Variants in PCDHGC3 observed in about 807,000 individuals in gnomAD.
The protein encoded by PCDHGC3 is protocadherin gamma-C3.
Under a neutral mutation model 59.2 loss-of-function variants are expected in PCDHGC3, and 26 were observed. The observed-to-expected ratio is 0.44, with a 90% CI of 0.32 to 0.61. The LOEUF (loss-of-function observed/expected upper bound fraction) is 0.61. PCDHGC3 is among the 20% of genes least tolerant of loss of function. The pLI is 0.05. For synonymous variants in PCDHGC3, 487 were observed against 519.7 expected (o/e 0.94, Z 0.86); for missense variants, 1,080 against 1,221.8 (o/e 0.88, Z 1.73).
rs766182165 is a variant in PCDHGC3 at position 141,478,048 on chromosome 5, C to T, written c.1932C>T (p.Leu644=). ...ACACAGATTCACCCAGGCAGACTCT[C>T]ACGGTCTTGATCAAAGACAATGGGG... The part of the protein sequence containing the change: ...VQDTDSPRQT[L]TVLIKDNGEP... The change falls in exon 1 of 4, where the codon CTC becomes CTT. Residue 644 remains leucine, a synonymous_variant. Transcript: ENST00000308177. 5.6e-6 allele frequency: 9 copies of T among 1,614,040 alleles called. No homozygotes were observed. In the Admixed American group the frequency reaches 1.0e-4, roughly 18 times the overall value.
At position 141,490,208 on chromosome 5, in the gene PCDHGC3, G is replaced by A. The variant is rs745796427; in HGVS notation, c.2431-4599G>A. On this transcript the variant is annotated intron_variant, in intron 1 of 3. Coordinates refer to ENST00000308177, the MANE Select transcript of PCDHGC3 (RefSeq NM_002588.4). The surrounding 1 kb of genome is among the most constrained non-coding windows in gnomAD (Gnocchi z 5.4). ...TTCTATGAAATTCATGCAAGAGCCC[G>A]TGACCAGGGACAGCCTGCCATGGAG... 44 of 1,614,120 alleles carry A rather than the reference G, an allele frequency of 2.7e-5. No individual in the cohort carries two copies. The Admixed American group carries it at 4.5e-4, about 17-fold the overall frequency.
chr5:141,506,801 C>A (rs1322016728), intron 3 of PCDHGC3, among the ~76,000 whole-genome samples: 2 of 152,166 alleles, frequency 1.3e-5, no homozygotes, highest in Non-Finnish European at 2.9e-5. Flanking sequence ...GGCAGAGGAT[C>A]AAGGCATTGC....
intron 1 of PCDHGC3, among the ~76,000 whole-genome samples, chr5:141,488,398 A>T (rs2099675065): frequency 6.6e-6 from 1 of 152,192 alleles, no homozygotes; most frequent in African/African-American, 2.4e-5. Flanking sequence ...GAAACCATGA[A>T]ACCTAGAAGC....
At position 141,491,099 on chromosome 5, in the gene PCDHGC3, T is replaced by C. The variant is rs1352561414; in HGVS notation, c.2431-3708T>C. 1 of 1,614,176 alleles carries C rather than the reference T, an allele frequency of 6.2e-7. No homozygotes were observed. ...CAGTCCACAGCCCCAGGACTGTTCC[T>C]CGTGTCTACACACACTGGTGAGGTG... On this transcript the variant is annotated intron_variant, in intron 1 of 3. Coordinates refer to ENST00000308177, the MANE Select transcript of PCDHGC3 (RefSeq NM_002588.4). The surrounding 1 kb of genome is among the most constrained non-coding windows in gnomAD (Gnocchi z 6.9).
chr5:141,495,412 G>A lies in PCDHGC3; in HGVS notation c.2489+547G>A, dbSNP rs188302135. 2.2e-4 allele frequency among the ~76,000 whole-genome samples: 33 copies of A among 152,284 alleles called. No homozygotes were observed. The East Asian group carries it at 6.4e-3, about 29-fold the overall frequency. ...GGCATGGAGCAGGCCCCCTTCTCCG[G>A]CCCCTCCTCCCACTGTCCTCTGCCC... On this transcript the variant is annotated intron_variant, in intron 2 of 3. Coordinates refer to ENST00000308177, the MANE Select transcript of PCDHGC3 (RefSeq NM_002588.4).
intron 1 of PCDHGC3, among the ~76,000 whole-genome samples, chr5:141,494,361 G>A (rs1311268562): frequency 6.6e-6 from 1 of 152,184 alleles, no homozygotes; most frequent in African/African-American, 2.4e-5. Flanking sequence ...TGCTGCAGAG[G>A]ATGCTTTGTT....
chr5:141,476,697 C>T lies in PCDHGC3; in HGVS notation c.581C>T (p.Ala194Val), dbSNP rs758302668. The T allele has an allele frequency of 2.5e-6, 4 of 1,614,110 alleles. No individual in the cohort carries two copies. The highest frequency in any genetic ancestry group is 2.2e-5 in the South Asian group (2 of 91,088). ...VQTREDSTKY[A>V]ELVLERALDR... The stretch of plus-strand genomic sequence containing the variant: ...ACGCGGGAGGACAGCACCAAGTACG[C>T]GGAGCTGGTGTTGGAGCGCGCCCTG... The change falls in exon 1 of 4, where the codon GCG (alanine) becomes GTG (valine). Residue 194 changes from alanine (A) to valine (V), a missense_variant. Coordinates refer to ENST00000308177, the MANE Select transcript of PCDHGC3 (RefSeq NM_002588.4). The surrounding 1 kb of genome is among the most constrained non-coding windows in gnomAD (Gnocchi z 7.6).
rs151239937 is a variant in PCDHGC3, at chr5:141,485,980, G to A, written c.2430+7434G>A. 1.9e-6 allele frequency: 3 copies of A among 1,614,020 alleles called. No homozygotes were observed. The highest frequency in any genetic ancestry group is 2.5e-6 in the Non-Finnish European group (3 of 1,180,004). Reference sequence around the variant, plus strand: ...TCATCCAGCTCAATGCCTCAGACCCGGACCTGGGTCCCAGTGGTAACGTCA... The same window carrying A: ...TCATCCAGCTCAATGCCTCAGACCCAGACCTGGGTCCCAGTGGTAACGTCA... On this transcript the variant is annotated intron_variant, in intron 1 of 3. Coordinates refer to ENST00000308177, the MANE Select transcript of PCDHGC3 (RefSeq NM_002588.4). The surrounding 1 kb of genome is among the most constrained non-coding windows in gnomAD (Gnocchi z 5.7).
chr5:141,487,067 G>C lies in PCDHGC3; in HGVS notation c.2431-7740G>C, dbSNP rs765539804. 3 of 1,614,048 alleles carry C rather than the reference G, an allele frequency of 1.9e-6. No individual in the cohort carries two copies. The highest frequency in any genetic ancestry group is 3.3e-5 in the Admixed American group (2 of 60,010). ...ATATGCTGGGGAGGTGCGGACGGCT[G>C]TTCCTATCCCAGCTGACCTCCCACC... On this transcript the variant is annotated intron_variant, in intron 1 of 3. Coordinates refer to ENST00000308177, the MANE Select transcript of PCDHGC3 (RefSeq NM_002588.4). The surrounding 1 kb of genome is among the most constrained non-coding windows in gnomAD (Gnocchi z 5.0).
Position 141,476,013 on chromosome 5 carries a change from G to A in PCDHGC3, c.-104G>A. ...AAATCAACGGCATCCAGAAAGCCAT[G>A]TCGGACTCGGCGCCCAGCGCCCAAG... On this transcript the variant is annotated 5_prime_UTR_variant, in exon 1 of 4. An upstream start codon of the reference 5' UTR is lost. Coordinates refer to ENST00000308177, the MANE Select transcript of PCDHGC3 (RefSeq NM_002588.4). The surrounding 1 kb of genome is among the most constrained non-coding windows in gnomAD (Gnocchi z 7.6). The A allele has an allele frequency of 7.5e-7, 1 of 1,334,720 alleles. No individual in the cohort carries two copies. The highest frequency in any genetic ancestry group is 1.0e-6 in the Non-Finnish European group (1 of 983,502). 82.7% of individuals were successfully genotyped at this position (1,334,720 alleles called of 1,614,324 possible). A position where few individuals can be genotyped will look rare whatever the true frequency, so the allele number is the denominator to read the frequency against.
At position 141,485,305 on chromosome 5, in the gene PCDHGC3, T is replaced by C. The variant is rs1344645695; in HGVS notation, c.2430+6759T>C. The C allele has an allele frequency of 3.7e-6, 6 of 1,614,000 alleles. No individual in the cohort carries two copies. In the East Asian group the frequency reaches 1.3e-4, roughly 36 times the overall value. Reference sequence around the variant, plus strand: ...CAGAGGAGTCACAGGAAGGGACTTTTGTAGGGAATGTCGCTCAAGATTTCC... The same window carrying C: ...CAGAGGAGTCACAGGAAGGGACTTTCGTAGGGAATGTCGCTCAAGATTTCC... On this transcript the variant is annotated intron_variant, in intron 1 of 3. Coordinates refer to ENST00000308177, the MANE Select transcript of PCDHGC3 (RefSeq NM_002588.4). This position sits in a 1 kb window ranked among gnomAD's most constrained non-coding sequence, Gnocchi z 5.7.
rs372245447 is a variant in PCDHGC3, at chr5:141,489,609, C to T, written c.2431-5198C>T. ...AGCTAATCCGTGTAGAGGTAGAGAT[C>T]CTGGATCTCAATGACAACTCTCCTA... On this transcript the variant is annotated intron_variant, in intron 1 of 3. Coordinates refer to ENST00000308177, the MANE Select transcript of PCDHGC3 (RefSeq NM_002588.4). This position sits in a 1 kb window ranked among gnomAD's most constrained non-coding sequence, Gnocchi z 4.5. The T allele has an allele frequency of 1.9e-6, 3 of 1,613,934 alleles. No homozygotes were observed. The African/African-American group carries it at 4.0e-5, about 22-fold the overall frequency.
intron 3 of PCDHGC3, 46 bp downstream of exon 3, chr5:141,505,527 T>C: frequency 6.2e-7 from 1 of 1,612,388 alleles, no homozygotes; most frequent in Non-Finnish European, 8.5e-7. Context: ...GACCTGGGGT[T>C]CTGGGGTGCA....
At chr5:141,509,094 T>C (rs1038935185) in intron 3 of PCDHGC3, among the ~76,000 whole-genome samples, 4 of 152,152 alleles carry the variant, frequency 2.6e-5, no homozygotes, top group African/African-American at 9.7e-5. Context: ...AAATGGGGGC[T>C]GTAGAAACCT....
intron 1 of PCDHGC3, among the ~76,000 whole-genome samples, chr5:141,492,221 G>C (rs62379206): frequency 0.18 from 27,189 of 152,134 alleles, 2,633 homozygotes; most frequent in Admixed American, 0.28. Context: ...GGGCTCATGC[G>C]TGTCCTCCCT....
rs1460389320 is a variant in PCDHGC3 at position 141,490,134 on chromosome 5, C to T, written c.2431-4673C>T. The T allele has an allele frequency of 2.5e-6, 4 of 1,614,114 alleles. No homozygotes were observed. Among genetic ancestry groups the T allele is most frequent in the Admixed American group, 3.3e-5 (2 of 59,998 alleles). ...GGAACCTCTTTGGCCTAGACCCTAG[C>T]AGTGGGGCAATCCATGTGTTGGGTC... On this transcript the variant is annotated intron_variant, in intron 1 of 3. Coordinates refer to ENST00000308177, the MANE Select transcript of PCDHGC3 (RefSeq NM_002588.4). This position sits in a 1 kb window ranked among gnomAD's most constrained non-coding sequence, Gnocchi z 5.4.
intron 3 of PCDHGC3, chr5:141,507,213 G>C (rs1016967764): frequency 6.6e-6 from 1 of 152,558 alleles, no homozygotes; most frequent in African/African-American, 2.4e-5. Context: ...AGGGTTGCCA[G>C]ATAAAATACA....
rs2099438516 is a variant in PCDHGC3, at chr5:141,478,198, ACTT to A, written c.2086_2088del (p.Leu696del). ...AGAAAAAAAATCTCACCTTTTATCT[ACTT>A]CTTTCTCTAATCCTGGTTTCTGTGG... is the stretch of plus-strand genomic sequence containing the variant. On this transcript the variant is annotated inframe_deletion, in exon 1 of 4. Transcript: ENST00000308177. 1.2e-6 allele frequency: 2 copies of A among 1,613,746 alleles called. No individual in the cohort carries two copies. Among genetic ancestry groups the A allele is most frequent in the African/African-American group, 1.3e-5 (1 of 74,854 alleles).
Position 141,478,102 on chromosome 5 carries a change from C to T in PCDHGC3, c.1986C>T (p.Leu662=). ...CTTCGCTCTCCACCACTGCTACCCTCACTGTGTCAGTAACCGAGGACTCTC... is the reference window on the plus strand; with the variant it reads ...CTTCGCTCTCCACCACTGCTACCCTTACTGTGTCAGTAACCGAGGACTCTC... ...GEPSLSTTAT[L]TVSVTEDSPE... is the part of the protein sequence containing the mutation. The change falls in exon 1 of 4, where the codon CTC becomes CTT. Residue 662 remains leucine, a synonymous_variant. Coordinates refer to ENST00000308177, the MANE Select transcript of PCDHGC3 (RefSeq NM_002588.4). The T allele has an allele frequency of 6.2e-7, 1 of 1,614,126 alleles. No homozygotes were observed. The highest frequency in any genetic ancestry group is 1.1e-5 in the South Asian group (1 of 91,090).
Sources: gnomAD v4.1 joint callset for allele counts (sites outside exome capture counted in the v4.1 genomes callset) on GRCh38, gnomAD v4.1.1 for gene constraint, Gnocchi (gnomAD v3.1) non-coding constraint, MANE v1.5 for transcripts, NCBI Gene and HGNC (gene_info 2026-07-23, HGNC 2026-07-21) for gene names.